Variants in WDR64 observed in about 807,000 individuals in gnomAD.
The protein encoded by WDR64 is WD repeat domain 64.
In WDR64, 112 loss-of-function variants were observed where a neutral mutation model predicts 139.3. That is an observed-to-expected ratio of 0.80 (90% CI 0.69 to 0.94). The LOEUF is 0.94. Ranked by LOEUF, WDR64 falls within the 40% of genes least tolerant of loss-of-function variation. The probability of loss-of-function intolerance (pLI) is 0.00; values close to 1 mark genes in which losing one functional copy is unlikely to be tolerated. For synonymous variants in WDR64, 444 were observed against 437.7 expected (o/e 1.01, Z -0.18); for missense variants, 1,206 against 1,293.1 (o/e 0.93, Z 1.03).
chr1:241,795,157 AG>A, intron 25 of WDR64, 49 bp from the exon 26 acceptor site: 1 of 1,527,276 alleles, frequency 6.5e-7, no homozygotes, highest in Non-Finnish European at 9.0e-7. Flanking sequence ...GTATTTTACC[AG>A]TGATAGGATG....
At chr1:241,740,289 C>A (rs895573190) in intron 11 of WDR64, among the ~76,000 whole-genome samples, 6 of 152,150 alleles carry the variant, frequency 3.9e-5, no homozygotes, top group Non-Finnish European at 8.8e-5. Flanking sequence ...TGTTGACGTC[C>A]ATTCTGAATG....
rs1253395303 is a variant in WDR64, at chr1:241,771,933, CATACATACATACATATATATATATATAT to C, written c.2290+240_2290+267del. Among the ~76,000 whole-genome samples the C allele has an allele frequency of 7.6e-4, 56 of 73,518 alleles. 1 individual carries two copies. Among genetic ancestry groups the C allele is most frequent in the African/African-American group, 1.6e-3 (37 of 23,198 alleles). The allele number at this position is 73,518 out of a possible 152,430, so 48.2% of individuals were successfully genotyped here. A position where few individuals can be genotyped will look rare whatever the true frequency, so the allele number is the denominator to read the frequency against. ...ACATATACATATATACATACATATA[CATACATACATACATATATATATATATAT>C]ATATATATATATATATATATATATA... On this transcript the variant is annotated intron_variant, in intron 19 of 27. Coordinates refer to ENST00000437684, the MANE Select transcript of WDR64 (RefSeq NM_001367482.1).
At chr1:241,767,903 G>A (rs527612294) in intron 16 of WDR64, among the ~76,000 whole-genome samples, 2 of 152,098 alleles carry the variant, frequency 1.3e-5, no homozygotes, top group Admixed American at 6.6e-5. Context: ...TTCAGCCCAT[G>A]CCCCCAGCCT....
At chr1:241,659,909 T>G (rs1327556349) in intron 1 of WDR64, among the ~76,000 whole-genome samples, 2 of 152,226 alleles carry the variant, frequency 1.3e-5, no homozygotes, top group African/African-American at 4.8e-5. Context: ...CTCTTAAGTT[T>G]AATTAGATCC....
chr1:241,692,342 T>C (rs7418366), intron 8 of WDR64, among the ~76,000 whole-genome samples: 14,345 of 152,150 alleles, frequency 0.094, 757 homozygotes, highest in East Asian at 0.22. Flanking sequence ...TGAGTATTCA[T>C]CACAATAATG....
chr1:241,653,623 A>G (rs1271664393), intron 1 of WDR64, among the ~76,000 whole-genome samples: 1 of 148,724 alleles, frequency 6.7e-6, no homozygotes, highest in Non-Finnish European at 1.5e-5. Flanking sequence ...GGCTCTCTGC[A>G]ACCTCTGCCT....
chr1:241,681,370 T>A (rs1666786883), intron 6 of WDR64, among the ~76,000 whole-genome samples: 1 of 152,200 alleles, frequency 6.6e-6, no homozygotes, highest in Non-Finnish European at 1.5e-5. Flanking sequence ...GAATATATGA[T>A]GTTTGGTTTT....
chr1:241,670,996 C>T (rs2148072433), intron 2 of WDR64, 78 bp from the exon 3 acceptor site: 1 of 1,029,562 alleles, frequency 9.7e-7, no homozygotes, highest in East Asian at 2.7e-5. Flanking sequence ...GCTTTAAATT[C>T]AGCCAACATG....
chr1:241,771,808 C>T, intron 19 of WDR64, 111 bp downstream of exon 19: 2 of 488,948 alleles, frequency 4.1e-6, no homozygotes, highest in Non-Finnish European at 6.2e-6. Flanking sequence ...TATATAAATT[C>T]ATTATATATA....
In WDR64 at chr1:241,749,623, C is replaced by G; in HGVS notation, c.1671C>G (p.Asp557Glu). 2 of 1,614,066 alleles carry G rather than the reference C, an allele frequency of 1.2e-6. No homozygotes were observed. The highest frequency in any genetic ancestry group is 1.7e-6 in the Non-Finnish European group (2 of 1,180,014). Residue 557 changes from aspartate (D) to glutamate (E), a missense_variant, in exon 14 of 28, where the codon GAC (aspartate) becomes GAG (glutamate). Asp to Glu is a conservative substitution (Grantham distance 45, BLOSUM62 2). Coordinates refer to ENST00000437684, the MANE Select transcript of WDR64 (RefSeq NM_001367482.1). ...VLPEGKDWKE[D>E]EHCLRRLIFL... Reference sequence around the variant, plus strand: ...CGGAGGGGAAAGACTGGAAGGAGGACGAGCACTGCCTACGACGCCTCATTT... The same window carrying G: ...CGGAGGGGAAAGACTGGAAGGAGGAGGAGCACTGCCTACGACGCCTCATTT...
intron 19 of WDR64, among the ~76,000 whole-genome samples, chr1:241,771,927 CATATACATACATACATACAT>C (rs1658451616): frequency 4.8e-5 from 2 of 41,834 alleles, no homozygotes; most frequent in African/African-American, 1.1e-4. Context: ...TATATACATA[CATATACATACATACATACAT>C]ATATATATAT....
At chr1:241,723,560 T>C (rs1668690088) in intron 10 of WDR64, 124 bp downstream of exon 10, 2 of 1,115,432 alleles carry the variant, frequency 1.8e-6, no homozygotes, top group Non-Finnish European at 1.2e-6. Flanking sequence ...GAGAAAAATA[T>C]TGTCAGTATG....
Position 241,741,627 on chromosome 1 carries a change from A to G in WDR64, c.1433A>G (p.His478Arg), listed in dbSNP as rs145306473. 71 of 1,612,838 alleles carry G rather than the reference A, an allele frequency of 4.4e-5. No homozygotes were observed. The highest frequency in any genetic ancestry group is 5.8e-5 in the Non-Finnish European group (69 of 1,179,850). ...INVMLYNKYF[H>R]QVLTICSESI... Reference sequence around the variant, plus strand: ...GTCATGCTTTACAACAAATATTTTCATCAAGTACTCACTATCTGCTCTGAA... The same window carrying G: ...GTCATGCTTTACAACAAATATTTTCGTCAAGTACTCACTATCTGCTCTGAA... Residue 478 changes from histidine to arginine, a missense_variant, in exon 12 of 28, where the codon CAT becomes CGT. By Grantham distance (29) the His-to-Arg change is conservative. Transcript: ENST00000437684.
intron 4 of WDR64, among the ~76,000 whole-genome samples, chr1:241,675,258 C>CCCTCCCTCCTTCCTTCCTT (rs1666503968): frequency 1.0e-5 from 1 of 99,926 alleles, no homozygotes; most frequent in African/African-American, 4.3e-5. Flanking sequence ...CTTCCTTCCT[C>CCCTCCCTCCTTCCTTCCTT]CCTCCCTTCC....
At chr1:241,730,890 G>A (rs1010822281) in intron 10 of WDR64, among the ~76,000 whole-genome samples, 1 of 152,136 alleles carries the variant, frequency 6.6e-6, no homozygotes, top group African/African-American at 2.4e-5. Flanking sequence ...AATTGGACTG[G>A]GAAAATTGAA....
chr1:241,679,444 G>T, intron 5 of WDR64, 41 bp from the exon 6 acceptor site: 1 of 1,515,586 alleles, frequency 6.6e-7, no homozygotes, highest in South Asian at 1.2e-5. Context: ...GGTCATTGAA[G>T]GAAATGCATT....
At chr1:241,679,390 G>A in intron 5 of WDR64, 95 bp from the exon 6 acceptor site, 1 of 1,040,138 alleles carries the variant, frequency 9.6e-7, no homozygotes, top group Non-Finnish European at 1.4e-6. Flanking sequence ...GCAGCAAAAT[G>A]GAGCTTTTAG....
At chr1:241,791,651 G>A (rs776267709) in intron 25 of WDR64, among the ~76,000 whole-genome samples, 9 of 151,700 alleles carry the variant, frequency 5.9e-5, no homozygotes, top group Non-Finnish European at 8.8e-5. Context: ...TAGCTTGGGC[G>A]AAAGAGTGAG....
intron 8 of WDR64, among the ~76,000 whole-genome samples, chr1:241,698,876 A>G (rs892573110): frequency 6.6e-6 from 1 of 152,212 alleles, no homozygotes; most frequent in African/African-American, 2.4e-5. Flanking sequence ...TAAAGGAAAG[A>G]GGTTTAATTG....
Sources: allele counts gnomAD v4.1 joint callset (sites outside exome capture counted in the v4.1 genomes callset), GRCh38; gene constraint gnomAD v4.1.1; transcripts MANE v1.5; gene names NCBI Gene and HGNC (gene_info 2026-07-23, HGNC 2026-07-21).